ROR2: variants seen among roughly 807,000 people sequenced by gnomAD.
The protein encoded by ROR2 is ROR family WNT receptor 2.
A neutral mutation model predicts 74.9 loss-of-function variants in ROR2; 33 were observed. The ratio of observed to expected loss-of-function variants is 0.44; its 90% confidence interval spans 0.33 to 0.59. The LOEUF (loss-of-function observed/expected upper bound fraction) is 0.59, where lower values mean the gene tolerates loss of function less well. Among genes scored for constraint, ROR2 ranks in the 20% least tolerant of loss-of-function variants. The probability of loss-of-function intolerance (pLI) is 0.02; values close to 1 mark genes in which losing one functional copy is unlikely to be tolerated. For missense variants in ROR2, 1,216 were observed against 1,313.8 expected (o/e 0.93, Z 1.15); for synonymous variants, 586 against 558.7 (o/e 1.05, Z -0.69).
At chr9:91,874,793 G>A (rs1829909389) in intron 1 of ROR2, among the ~76,000 whole-genome samples, 1 of 152,096 alleles carries the variant, frequency 6.6e-6, no homozygotes, top group African/African-American at 2.4e-5. Flanking sequence ...AAATTAGCCA[G>A]GCATGGTGGC....
intron 1 of ROR2, among the ~76,000 whole-genome samples, chr9:91,780,863 T>C (rs1184915152): frequency 6.6e-6 from 1 of 152,228 alleles, no homozygotes; most frequent in Non-Finnish European, 1.5e-5. Flanking sequence ...ACCTCTAGTA[T>C]CACAATCATT....
intron 1 of ROR2, among the ~76,000 whole-genome samples, chr9:91,892,021 C>A (rs1461083155): frequency 6.9e-6 from 1 of 144,782 alleles, no homozygotes; most frequent in Non-Finnish European, 1.5e-5. Flanking sequence ...GCACTCCAGG[C>A]TGGGCAACAG....
intron 4 of ROR2, among the ~76,000 whole-genome samples, chr9:91,754,803 G>A (rs1401484892): frequency 6.6e-6 from 1 of 152,130 alleles, no homozygotes; most frequent in Admixed American, 6.6e-5. Context: ...GTGTCTGAAG[G>A]ACTATTAAGG....
At chr9:91,915,221 C>A (rs1335868057) in intron 1 of ROR2, among the ~76,000 whole-genome samples, 1 of 152,212 alleles carries the variant, frequency 6.6e-6, no homozygotes, top group Non-Finnish European at 1.5e-5. Flanking sequence ...GTGAAGGGAA[C>A]TGAGGACTGT....
chr9:91,837,217 T>C (rs1342268990), intron 1 of ROR2, among the ~76,000 whole-genome samples: 1 of 152,150 alleles, frequency 6.6e-6, no homozygotes, highest in Non-Finnish European at 1.5e-5. Flanking sequence ...AGTGGCGCGA[T>C]CTCAGCCACC....
intron 1 of ROR2, among the ~76,000 whole-genome samples, chr9:91,893,982 T>C (rs929068155): frequency 2.2e-4 from 34 of 152,150 alleles, no homozygotes; most frequent in African/African-American, 7.7e-4. Flanking sequence ...CATCAGAGGG[T>C]GTTTTTTTTA....
rs560832116 is a variant in ROR2 at position 91,849,032 on chromosome 9, G to C, written c.98-73214C>G. On this transcript the variant is annotated intron_variant, in intron 1 of 8. Coordinates refer to ENST00000375708, the MANE Select transcript of ROR2 (RefSeq NM_004560.4). ...CCAGCCCTAAGTGCAGTTCCACAGC[G>C]ACCACCCTCCATCATCCCATCCGAA... Among the ~76,000 whole-genome samples, 6 of 152,170 alleles carry C rather than the reference G, an allele frequency of 3.9e-5. 1 individual carries two copies. Among genetic ancestry groups the C allele is most frequent in the Middle Eastern group, 6.8e-3 (2 of 294 alleles).
intron 1 of ROR2, among the ~76,000 whole-genome samples, chr9:91,780,669 T>C (rs1826587720): frequency 6.6e-6 from 1 of 152,122 alleles, no homozygotes; most frequent in Non-Finnish European, 1.5e-5. Flanking sequence ...CAGGTGCCTG[T>C]AATCCCAGCT....
At chr9:91,791,067 T>C (rs1826957733) in intron 1 of ROR2, among the ~76,000 whole-genome samples, 1 of 152,232 alleles carries the variant, frequency 6.6e-6, no homozygotes, top group South Asian at 2.1e-4. Context: ...GTCCAGTGTT[T>C]ATAAAATCGA....
At chr9:91,913,001 T>C (rs866411809) in intron 1 of ROR2, among the ~76,000 whole-genome samples, 3 of 152,078 alleles carry the variant, frequency 2.0e-5, no homozygotes, top group Admixed American at 6.6e-5. Flanking sequence ...TGGTGGCACA[T>C]ACCTGTAATC....
intron 1 of ROR2, among the ~76,000 whole-genome samples, chr9:91,920,899 A>G (rs971736106): frequency 2.0e-5 from 3 of 152,268 alleles, no homozygotes; most frequent in Non-Finnish European, 2.9e-5. Context: ...ACTGATCTGC[A>G]TCAAAATGTA....
chr9:91,933,784 T>C (rs754587058), intron 1 of ROR2, among the ~76,000 whole-genome samples: 1 of 152,068 alleles, frequency 6.6e-6, no homozygotes, highest in Non-Finnish European at 1.5e-5. Flanking sequence ...ATTTCCAGAA[T>C]AGGCAAATCC....
At chr9:91,849,307 G>T (rs1302864726) in intron 1 of ROR2, among the ~76,000 whole-genome samples, 1 of 152,198 alleles carries the variant, frequency 6.6e-6, no homozygotes, top group African/African-American at 2.4e-5. Context: ...AAGAGAACAA[G>T]AGATCAAATA....
chr9:91,906,946 G>C (rs889506325), intron 1 of ROR2, among the ~76,000 whole-genome samples: 4 of 152,098 alleles, frequency 2.6e-5, no homozygotes, highest in African/African-American at 2.4e-5. Context: ...TGGACGGTTT[G>C]GTGGCGGTGG....
chr9:91,779,464 G>A lies in ROR2; in HGVS notation c.98-3646C>T, dbSNP rs183962828. ...CAGCTCACTGCAACCTCTGCCTCCC[G>A]GGTCCAAGCGATTCTCCTGCCTCCG... is the stretch of plus-strand genomic sequence containing the variant. On this transcript the variant is annotated intron_variant, in intron 1 of 8. Transcript: ENST00000375708. Among the ~76,000 whole-genome samples, 872 of 149,552 alleles carry A rather than the reference G, an allele frequency of 5.8e-3. 9 individuals carry two copies. Among genetic ancestry groups the A allele is most frequent in the Non-Finnish European group, 7.3e-3 (496 of 67,614 alleles).
At chr9:91,940,995 CTTTT>C (rs11321454) in intron 1 of ROR2, among the ~76,000 whole-genome samples, 3 of 110,736 alleles carry the variant, frequency 2.7e-5, no homozygotes, top group African/African-American at 8.1e-5. Context: ...ATTTTTAATT[CTTTT>C]TTTTTTTTTT....
At chr9:91,737,638 T>A in intron 4 of ROR2, 120 bp from the exon 5 acceptor site, 1 of 1,302,800 alleles carries the variant, frequency 7.7e-7, no homozygotes, top group Non-Finnish European at 1.1e-6. Context: ...TTTATATAAG[T>A]AAATTTAAAT....
chr9:91,933,029 T>C (rs1269532349), intron 1 of ROR2, among the ~76,000 whole-genome samples: 5 of 152,178 alleles, frequency 3.3e-5, no homozygotes, highest in Admixed American at 1.3e-4. Context: ...CCAAGCACAG[T>C]GGCCTATGAT....
chr9:91,745,788 T>C (rs1328416172), intron 4 of ROR2, among the ~76,000 whole-genome samples: 1 of 152,180 alleles, frequency 6.6e-6, no homozygotes, highest in African/African-American at 2.4e-5. Context: ...ATTGTCTATT[T>C]AGTCACCTAC....
Sources: gnomAD v4.1 joint callset for allele counts (sites outside exome capture counted in the v4.1 genomes callset) on GRCh38, gnomAD v4.1.1 for gene constraint, MANE v1.5 for transcripts, NCBI Gene and HGNC (gene_info 2026-07-23, HGNC 2026-07-21) for gene names.